The following ADGRL3 variants were observed in gnomAD, a reference collection of about 807,000 sequenced individuals.
The protein encoded by ADGRL3 is adhesion G protein-coupled receptor L3.
ADGRL3 carries 62 observed loss-of-function variants against 153.5 expected under a neutral mutation model. That is an observed-to-expected ratio of 0.40 (90% confidence interval 0.33 to 0.50). ADGRL3 has a LOEUF of 0.50. Ranked by LOEUF, ADGRL3 falls within the 20% of genes least tolerant of loss-of-function variation. The pLI is 0.47. For missense variants in ADGRL3, 1,641 were observed against 1,859.4 expected (o/e 0.88, Z 2.16); for synonymous variants, 710 against 672.5 (o/e 1.06, Z -0.86).
At position 61,517,500 on chromosome 4, in the gene ADGRL3, G is replaced by T; in HGVS notation, c.241G>T (p.Ala81Ser). The change falls in exon 4 of 27, where the codon GCA becomes TCA. Residue 81 changes from alanine to serine, a missense_variant. Transcript: ENST00000683033. ...AGTTCGCGGTCCAGGTGCCCAAGGA[G>T]CACAGATTGCAGCGCAAGGTGCGGC... ...RGVRGPGAQG[A>S]QIAAQAFSRA... 1 of 713,098 alleles carries T rather than the reference G, an allele frequency of 1.4e-6. No homozygotes were observed. The highest frequency in any genetic ancestry group is 2.5e-6 in the Non-Finnish European group (1 of 395,016). 44.2% of individuals were successfully genotyped at this position (713,098 alleles called of 1,614,324 possible). A position where few individuals can be genotyped will look rare whatever the true frequency, so the allele number is the denominator to read the frequency against.
chr4:61,428,389 C>T (rs2097308147), intron 2 of ADGRL3, among the ~76,000 whole-genome samples: 1 of 152,140 alleles, frequency 6.6e-6, no homozygotes, highest in Admixed American at 6.5e-5. Context: ...AGATGTTTAC[C>T]TTGGCCTACT....
intron 14 of ADGRL3, among the ~76,000 whole-genome samples, chr4:61,935,599 T>G (rs544245130): frequency 6.6e-6 from 1 of 152,230 alleles, no homozygotes; most frequent in African/African-American, 2.4e-5. Context: ...AGCTCTAGAT[T>G]ATCAAAGGAT....
intron 1 of ADGRL3, among the ~76,000 whole-genome samples, chr4:61,373,547 C>T (rs2096566772): frequency 6.6e-6 from 1 of 151,978 alleles, no homozygotes; most frequent in Non-Finnish European, 1.5e-5. Flanking sequence ...ATGCATACTT[C>T]AAAACGAATT....
intron 4 of ADGRL3, among the ~76,000 whole-genome samples, chr4:61,530,145 GC>G (rs1402749869): frequency 5.3e-5 from 8 of 152,090 alleles, no homozygotes; most frequent in African/African-American, 1.9e-4. Context: ...AGAATATTTA[GC>G]CACAGATTTG....
intron 19 of ADGRL3, 41 bp from the exon 20 acceptor site, chr4:61,996,250 C>G (rs759709976): frequency 1.5e-6 from 2 of 1,349,938 alleles, no homozygotes; most frequent in Non-Finnish European, 2.1e-6. Context: ...TGTCCCATAC[C>G]CAGTCCTTGA....
intron 21 of ADGRL3, among the ~76,000 whole-genome samples, chr4:62,001,473 G>T (rs2099140097): frequency 6.6e-6 from 1 of 152,134 alleles, no homozygotes; most frequent in Admixed American, 6.6e-5. Flanking sequence ...AAACAACAAG[G>T]AAGGTATCTC....
intron 2 of ADGRL3, among the ~76,000 whole-genome samples, chr4:61,387,666 A>C (rs1027952496): frequency 2.6e-5 from 4 of 152,202 alleles, no homozygotes; most frequent in East Asian, 1.9e-4. Context: ...AGTTTAAGTT[A>C]TCTCTCTTAT....
At chr4:61,896,804 T>G (rs1316984531) in intron 11 of ADGRL3, among the ~76,000 whole-genome samples, 1 of 152,186 alleles carries the variant, frequency 6.6e-6, no homozygotes, top group Non-Finnish European at 1.5e-5. Flanking sequence ...TGCCACAGTT[T>G]TTATGTCCTT....
intron 6 of ADGRL3, among the ~76,000 whole-genome samples, chr4:61,684,154 T>C (rs896407084): frequency 6.6e-5 from 10 of 152,186 alleles, no homozygotes; most frequent in Admixed American, 6.6e-4. Context: ...TGGAATCTAG[T>C]ACCAGTTACA....
Position 61,754,827 on chromosome 4 carries a change from T to A in ADGRL3, c.1399+21273T>A, listed in dbSNP as rs1015497009. On this transcript the variant is annotated intron_variant, in intron 8 of 26. Transcript: ENST00000683033. ...ATGTTCCCCTTCCTGTGTCCATGTG[T>A]TCTCATTGTTCAATTCCCACCTATG... Among the ~76,000 whole-genome samples the A allele has an allele frequency of 2.0e-5, 3 of 151,968 alleles. No individual in the cohort carries two copies. In the East Asian group the frequency reaches 5.8e-4, roughly 29 times the overall value.
intron 8 of ADGRL3, among the ~76,000 whole-genome samples, chr4:61,792,297 A>T (rs2097352558): frequency 6.6e-6 from 1 of 152,058 alleles, no homozygotes; most frequent in Non-Finnish European, 1.5e-5. Flanking sequence ...CAGGGGCAAA[A>T]TGCCACCAAT....
intron 17 of ADGRL3, among the ~76,000 whole-genome samples, chr4:61,949,825 T>G (rs927361708): frequency 1.3e-5 from 2 of 152,220 alleles, no homozygotes; most frequent in African/African-American, 4.8e-5. Flanking sequence ...TTATTTGTCA[T>G]TAGAACTAGC....
chr4:61,568,798 T>C (rs2098826859), intron 4 of ADGRL3, among the ~76,000 whole-genome samples: 1 of 152,186 alleles, frequency 6.6e-6, no homozygotes, highest in Admixed American at 6.5e-5. Context: ...TCCTTTTTCT[T>C]CTTTAACTCC....
At chr4:61,245,992 C>A (rs756298352) in intron 1 of ADGRL3, among the ~76,000 whole-genome samples, 5 of 152,078 alleles carry the variant, frequency 3.3e-5, no homozygotes, top group Non-Finnish European at 5.9e-5. Flanking sequence ...AGTTTGTTAG[C>A]ATCTGATCTG....
intron 1 of ADGRL3, among the ~76,000 whole-genome samples, chr4:61,354,495 TG>T (rs1372953007): frequency 1.3e-5 from 2 of 151,940 alleles, no homozygotes; most frequent in African/African-American, 4.8e-5. Flanking sequence ...AGTTCGGAAA[TG>T]GTGTATGATC....
rs542243792 is a variant in ADGRL3 at position 61,202,689 on chromosome 4, C to T, written c.-240+924C>T. ...GTCTGAGCTGCCGCGACCCAGCCTC[C>T]GGTCCCACGTCGGAGCTCAGAAGCT... On this transcript the variant is annotated intron_variant, in intron 1 of 26. Coordinates refer to ENST00000683033, the MANE Select transcript of ADGRL3 (RefSeq NM_001387552.1). The surrounding 1 kb of genome is among the most constrained non-coding windows in gnomAD (Gnocchi z 5.0). 1.1e-4 allele frequency among the ~76,000 whole-genome samples: 16 copies of T among 152,238 alleles called. No homozygotes were observed. The highest frequency in any genetic ancestry group is 1.0e-3 in the Admixed American group (16 of 15,302).
intron 1 of ADGRL3, among the ~76,000 whole-genome samples, chr4:61,376,132 A>G (rs564076983): frequency 4.6e-5 from 7 of 152,168 alleles, no homozygotes; most frequent in Non-Finnish European, 1.0e-4. Context: ...GTTTTGTCAT[A>G]GAATATGTAA....
At chr4:61,662,028 C>G (rs2094609352) in intron 5 of ADGRL3, among the ~76,000 whole-genome samples, 4 of 152,216 alleles carry the variant, frequency 2.6e-5, no homozygotes, top group Admixed American at 2.6e-4. Context: ...GCAGTGGTAG[C>G]CAATCTGGAG....
At chr4:61,568,197 CTT>C (rs2098824133) in intron 4 of ADGRL3, among the ~76,000 whole-genome samples, 2 of 152,138 alleles carry the variant, frequency 1.3e-5, no homozygotes, top group Middle Eastern at 3.4e-3. Flanking sequence ...TTTTTAATCT[CTT>C]TTTGCATGGC....
Sources: allele counts gnomAD v4.1 joint callset (sites outside exome capture counted in the v4.1 genomes callset), GRCh38; gene constraint gnomAD v4.1.1; non-coding constraint Gnocchi (gnomAD v3.1); transcripts MANE v1.5; gene names NCBI Gene and HGNC (gene_info 2026-07-23, HGNC 2026-07-21).